Variants in ZNF804A observed in about 807,000 individuals in gnomAD.
ZNF804A encodes the protein zinc finger protein 804A.
In ZNF804A, 2 loss-of-function variants were observed where a neutral mutation model predicts 16.5. The observed-to-expected ratio is 0.12, with a 90% CI of 0.05 to 0.38. The LOEUF (loss-of-function observed/expected upper bound fraction) is 0.38, where lower values mean the gene tolerates loss of function less well. Ranked by LOEUF, ZNF804A falls within the 10% of genes least tolerant of loss-of-function variation. ZNF804A has a pLI of 0.99. For synonymous variants in ZNF804A, 534 were observed against 489.6 expected, an observed-to-expected ratio of 1.09 and a Z score of -1.20; for missense variants, 1,473 against 1,390.7, an observed-to-expected ratio of 1.06 and a Z score of -0.94.
At position 184,856,042 on chromosome 2, in the gene ZNF804A, GATA is replaced by G. The variant is rs1695681609; in HGVS notation, c.112-10317_112-10315del. 2.6e-5 allele frequency among the ~76,000 whole-genome samples: 4 copies of G among 151,948 alleles called. No homozygotes were observed. The South Asian group carries it at 6.2e-4, about 24-fold the overall frequency. On this transcript the variant is annotated intron_variant, in intron 1 of 3. Transcript: ENST00000302277. ...AGCCAAAACGATTCTGAAGCAAGGTGATAATAATAATAGTAACAATCAAAATGC... is the reference window on the plus strand; with the variant it reads ...AGCCAAAACGATTCTGAAGCAAGGTGATAATAATAGTAACAATCAAAATGC...
intron 1 of ZNF804A, among the ~76,000 whole-genome samples, chr2:184,654,253 G>A (rs755931534): frequency 3.9e-5 from 6 of 152,196 alleles, no homozygotes; most frequent in Non-Finnish European, 7.3e-5. Flanking sequence ...AAGGCCTTAG[G>A]TATTTTCTGC....
intron 1 of ZNF804A, among the ~76,000 whole-genome samples, chr2:184,617,828 G>A (rs896282591): frequency 1.3e-5 from 2 of 151,524 alleles, no homozygotes; most frequent in African/African-American, 2.4e-5. Flanking sequence ...CACATATTGA[G>A]CACTTATTCT....
At chr2:184,891,910 A>T (rs1684988879) in intron 2 of ZNF804A, among the ~76,000 whole-genome samples, 1 of 152,226 alleles carries the variant, frequency 6.6e-6, no homozygotes, top group Non-Finnish European at 1.5e-5. Flanking sequence ...TTATCCTAAA[A>T]GAAAAAATTA....
chr2:184,741,944 A>G (rs967777800), intron 1 of ZNF804A, among the ~76,000 whole-genome samples: 1 of 152,084 alleles, frequency 6.6e-6, no homozygotes, highest in Non-Finnish European at 1.5e-5. Flanking sequence ...TAGAGAAGCA[A>G]TACAGTCATC....
At chr2:184,607,458 C>T (rs1338075440) in intron 1 of ZNF804A, among the ~76,000 whole-genome samples, 1 of 152,016 alleles carries the variant, frequency 6.6e-6, no homozygotes, top group Non-Finnish European at 1.5e-5. Context: ...GAGTGAAGGC[C>T]CTTATAAAAG....
intron 1 of ZNF804A, among the ~76,000 whole-genome samples, chr2:184,632,297 TTAAC>T (rs1691624687): frequency 6.6e-6 from 1 of 152,182 alleles, no homozygotes; most frequent in African/African-American, 2.4e-5. Flanking sequence ...ATCAGTGAGT[TTAAC>T]TATTAATGCT....
intron 1 of ZNF804A, among the ~76,000 whole-genome samples, chr2:184,846,777 A>G (rs1695522713): frequency 6.6e-6 from 1 of 152,102 alleles, no homozygotes; most frequent in Admixed American, 6.6e-5. Flanking sequence ...AATTACCCAG[A>G]GAGTCTAATA....
intron 1 of ZNF804A, among the ~76,000 whole-genome samples, chr2:184,816,819 G>A (rs72903798): frequency 0.05 from 7,644 of 151,956 alleles, 252 homozygotes; most frequent in Middle Eastern, 0.078. Flanking sequence ...GAGGGACAGC[G>A]TGGATGCTTG....
intron 1 of ZNF804A, among the ~76,000 whole-genome samples, chr2:184,731,890 T>G (rs1368572710): frequency 6.6e-6 from 1 of 152,212 alleles, no homozygotes; most frequent in Non-Finnish European, 1.5e-5. Context: ...ACCCATTTCT[T>G]AATTGGGTCG....
At chr2:184,825,019 TC>T (rs1695137665) in intron 1 of ZNF804A, among the ~76,000 whole-genome samples, 1 of 152,158 alleles carries the variant, frequency 6.6e-6, no homozygotes, top group African/African-American at 2.4e-5. Context: ...AGTGTCAAAA[TC>T]ATATTTATGA....
At chr2:184,793,409 C>T (rs1694583487) in intron 1 of ZNF804A, among the ~76,000 whole-genome samples, 1 of 152,030 alleles carries the variant, frequency 6.6e-6, no homozygotes, top group African/African-American at 2.4e-5. Flanking sequence ...TAAGTGTTGC[C>T]TTTCCTCTGC....
chr2:184,742,517 A>T (rs912640572), intron 1 of ZNF804A, among the ~76,000 whole-genome samples: 1 of 151,992 alleles, frequency 6.6e-6, no homozygotes, highest in African/African-American at 2.4e-5. Context: ...AAAGAATAAG[A>T]TATTTTTGCA....
At chr2:184,787,444 A>C (rs917354634) in intron 1 of ZNF804A, among the ~76,000 whole-genome samples, 1 of 151,946 alleles carries the variant, frequency 6.6e-6, no homozygotes, top group African/African-American at 2.4e-5. Context: ...TGTTTTCCAT[A>C]GAGGTTGAAC....
At chr2:184,858,290 G>A (rs955562306) in intron 1 of ZNF804A, among the ~76,000 whole-genome samples, 1 of 151,784 alleles carries the variant, frequency 6.6e-6, no homozygotes, top group African/African-American at 2.4e-5. Context: ...GATCACCTGA[G>A]GTCTGGAGTT....
intron 3 of ZNF804A, among the ~76,000 whole-genome samples, chr2:184,934,042 T>G (rs1685746146): frequency 6.6e-6 from 1 of 152,154 alleles, no homozygotes. Flanking sequence ...AAACATTTGA[T>G]TGAGGAAGAC....
chr2:184,639,318 C>T (rs1691754811), intron 1 of ZNF804A, among the ~76,000 whole-genome samples: 1 of 151,914 alleles, frequency 6.6e-6, no homozygotes, highest in Non-Finnish European at 1.5e-5. Flanking sequence ...AGGTGATCCA[C>T]CCGCCTCGGC....
intron 1 of ZNF804A, among the ~76,000 whole-genome samples, chr2:184,622,174 T>C (rs986760598): frequency 5.3e-5 from 8 of 151,858 alleles, no homozygotes; most frequent in African/African-American, 1.4e-4. Flanking sequence ...GTCAAGTTCA[T>C]TGAAAGGGTA....
intron 1 of ZNF804A, among the ~76,000 whole-genome samples, chr2:184,664,780 G>A (rs1254833549): frequency 6.6e-6 from 1 of 152,080 alleles, no homozygotes; most frequent in Non-Finnish European, 1.5e-5. Context: ...GGCAGTGGCT[G>A]TTTTATCATA....
rs556164061 is a variant in ZNF804A at position 184,771,913 on chromosome 2, T to A, written c.112-94456T>A. ...ACATAATGTAATTATGAGAGTCGTATCCTATCACCTTTGTCATATTCTACT... is the reference window on the plus strand; with the variant it reads ...ACATAATGTAATTATGAGAGTCGTAACCTATCACCTTTGTCATATTCTACT... On this transcript the variant is annotated intron_variant, in intron 1 of 3. Coordinates refer to ENST00000302277, the MANE Select transcript of ZNF804A (RefSeq NM_194250.2). Among the ~76,000 whole-genome samples the A allele has an allele frequency of 6.6e-5, 10 of 152,170 alleles. No individual in the cohort carries two copies. In the South Asian group the frequency reaches 1.9e-3, roughly 28 times the overall value.
Sources: allele counts gnomAD v4.1 joint callset (sites outside exome capture counted in the v4.1 genomes callset), GRCh38; gene constraint gnomAD v4.1.1; transcripts MANE v1.5; gene names NCBI Gene and HGNC (gene_info 2026-07-23, HGNC 2026-07-21).